PTPRD: variants seen among roughly 807,000 people sequenced by gnomAD.
The protein encoded by PTPRD is receptor-type tyrosine-protein phosphatase delta.
PTPRD carries 34 observed loss-of-function variants against 214.5 expected under a neutral mutation model. The observed-to-expected ratio is 0.16, with a 90% CI of 0.12 to 0.21. The LOEUF is 0.21. Ranked by LOEUF, PTPRD falls within the 10% of genes least tolerant of loss-of-function variation. The pLI, the probability that PTPRD is intolerant of heterozygous loss-of-function variation, is 1.00. For synonymous variants in PTPRD, 1,128 were observed against 845.7 expected (o/e 1.33, Z -5.79); for missense variants, 2,545 against 2,398.7 (o/e 1.06, Z -1.27).
At chr9:8,754,477 A>G (rs1453826624) in intron 11 of PTPRD, among the ~76,000 whole-genome samples, 1 of 152,190 alleles carries the variant, frequency 6.6e-6, no homozygotes, top group Non-Finnish European at 1.5e-5. Context: ...TGATTTATAC[A>G]CAGCTATGTC....
intron 9 of PTPRD, among the ~76,000 whole-genome samples, chr9:9,275,202 TATATA>T (rs1945088093): frequency 1.1e-4 from 7 of 62,988 alleles, no homozygotes; most frequent in Non-Finnish European, 1.5e-4. Flanking sequence ...ATATATATTA[TATATA>T]TATATATATA....
chr9:10,577,125 T>G (rs957626601), intron 2 of PTPRD, among the ~76,000 whole-genome samples: 20 of 152,116 alleles, frequency 1.3e-4, no homozygotes, highest in Non-Finnish European at 1.2e-4. Flanking sequence ...CTATGCATAC[T>G]GGGGTACTTT....
intron 3 of PTPRD, among the ~76,000 whole-genome samples, chr9:10,205,367 CTTT>C (rs1385224699): frequency 6.8e-6 from 1 of 148,062 alleles, no homozygotes; most frequent in African/African-American, 2.5e-5. Flanking sequence ...TCTTCTTCTT[CTTT>C]ATTTTATTTT....
chr9:8,339,493 T>A (rs766887761), intron 42 of PTPRD, among the ~76,000 whole-genome samples: 1 of 152,152 alleles, frequency 6.6e-6, no homozygotes, highest in Non-Finnish European at 1.5e-5. Context: ...AACCTCCGAA[T>A]TGATTTGTTC....
At position 8,484,385 on chromosome 9, in the gene PTPRD, A is replaced by G. The variant is rs1438322321; in HGVS notation, c.3154-7T>C. On this transcript the variant is annotated splice_polypyrimidine_tract_variant and splice_region_variant and intron_variant, in intron 29 of 45. Coordinates refer to ENST00000381196, the MANE Select transcript of PTPRD (RefSeq NM_002839.4). ...TCCCATCATCATAAAGAATCTAAAG[A>G]GATAAAACCAATAAAAAAAAAATCT... 1.3e-6 allele frequency: 2 copies of G among 1,594,352 alleles called. No homozygotes were observed. The highest frequency in any genetic ancestry group is 8.5e-7 in the Non-Finnish European group (1 of 1,170,434).
chr9:9,941,397 G>A (rs76840051), intron 4 of PTPRD, among the ~76,000 whole-genome samples: 5,879 of 152,198 alleles, frequency 0.039, 138 homozygotes, highest in Non-Finnish European at 0.056. Context: ...ATCTCAGCTC[G>A]CTGCAATTTC....
intron 9 of PTPRD, among the ~76,000 whole-genome samples, chr9:9,373,887 T>G (rs1339162028): frequency 2.0e-5 from 3 of 152,118 alleles, no homozygotes; most frequent in African/African-American, 7.2e-5. Context: ...TTTCATGTAT[T>G]TGTTAATTTT....
intron 2 of PTPRD, among the ~76,000 whole-genome samples, chr9:10,563,643 T>TTGC (rs2064685578): frequency 1.3e-5 from 2 of 150,734 alleles, no homozygotes; most frequent in South Asian, 4.2e-4. Context: ...AACACTGTTG[T>TTGC]TGTTGTTGTT....
At chr9:8,412,764 TA>T (rs2093629611) in intron 35 of PTPRD, among the ~76,000 whole-genome samples, 1 of 152,180 alleles carries the variant, frequency 6.6e-6, no homozygotes, top group Admixed American at 6.6e-5. Context: ...ATTTAACAAA[TA>T]AATCTATTTC....
chr9:10,342,084 C>G (rs1196210200), intron 2 of PTPRD, among the ~76,000 whole-genome samples: 2 of 151,996 alleles, frequency 1.3e-5, no homozygotes, highest in African/African-American at 2.4e-5. Flanking sequence ...GATTGCTTGA[C>G]AGTAGGTAGT....
At chr9:10,162,293 C>A (rs1353840433) in intron 3 of PTPRD, among the ~76,000 whole-genome samples, 1 of 151,450 alleles carries the variant, frequency 6.6e-6, no homozygotes, top group African/African-American at 2.4e-5. Flanking sequence ...TTGAATCAAC[C>A]TAATTGCCTG....
At chr9:8,668,324 T>C (rs1285149879) in intron 12 of PTPRD, among the ~76,000 whole-genome samples, 6 of 152,224 alleles carry the variant, frequency 3.9e-5, no homozygotes, top group Admixed American at 2.0e-4. Context: ...GTTCAAAAAA[T>C]AGATCAAATT....
chr9:8,711,993 A>G (rs1290317900), intron 12 of PTPRD, among the ~76,000 whole-genome samples: 1 of 152,238 alleles, frequency 6.6e-6, no homozygotes, highest in African/African-American at 2.4e-5. Flanking sequence ...TTCTGAAGTG[A>G]AGGAACTGCT....
intron 7 of PTPRD, among the ~76,000 whole-genome samples, chr9:9,612,220 A>G (rs963480986): frequency 6.6e-6 from 1 of 151,772 alleles, no homozygotes; most frequent in Admixed American, 6.6e-5. Flanking sequence ...TAGGGGGAAT[A>G]AAAAAAACAG....
intron 2 of PTPRD, among the ~76,000 whole-genome samples, chr9:10,502,722 G>C (rs1231888200): frequency 6.6e-6 from 1 of 152,022 alleles, no homozygotes; most frequent in Non-Finnish European, 1.5e-5. Flanking sequence ...CAAAAATGTA[G>C]GTATGTATCT....
At chr9:9,696,840 T>A (rs2097384490) in intron 7 of PTPRD, among the ~76,000 whole-genome samples, 1 of 152,142 alleles carries the variant, frequency 6.6e-6, no homozygotes, top group Non-Finnish European at 1.5e-5. Flanking sequence ...CTATTGCAAT[T>A]TTGTTACTTG....
intron 7 of PTPRD, among the ~76,000 whole-genome samples, chr9:9,698,892 C>T (rs946509342): frequency 1.3e-5 from 2 of 152,152 alleles, no homozygotes; most frequent in African/African-American, 4.8e-5. Context: ...GTTTTTACTT[C>T]TCTGTAGCCT....
At position 8,507,349 on chromosome 9, in the gene PTPRD, G is replaced by A. The variant is rs758313334; in HGVS notation, c.1629C>T (p.Thr543=). Residue 543 remains threonine (T), a synonymous_variant, in exon 22 of 46, where the codon ACC becomes ACT. Transcript: ENST00000381196. The part of the protein sequence containing the change: ...LLSWTPPRSD[T]IANYELVYKD... ...TGTAGACCAGTTCATAGTTGGCAAT[G>A]GTATCTGAACGTGGAGGTGTCCAAG... is the stretch of plus-strand genomic sequence containing the variant. The A allele has an allele frequency of 8.7e-6, 14 of 1,613,904 alleles. No homozygotes were observed. The highest frequency in any genetic ancestry group is 1.1e-5 in the Non-Finnish European group (13 of 1,179,854).
At chr9:8,607,616 C>G (rs1018626732) in intron 14 of PTPRD, among the ~76,000 whole-genome samples, 3 of 151,900 alleles carry the variant, frequency 2.0e-5, no homozygotes, top group African/African-American at 7.3e-5. Flanking sequence ...GCACTCCAGC[C>G]TGGGAGACTG....
Sources: allele counts gnomAD v4.1 joint callset (sites outside exome capture counted in the v4.1 genomes callset), GRCh38; gene constraint gnomAD v4.1.1; transcripts MANE v1.5; gene names NCBI Gene and HGNC (gene_info 2026-07-23, HGNC 2026-07-21).